Variants in RASEF observed in about 807,000 individuals in gnomAD.
RASEF encodes ras and EF-hand domain-containing protein.
RASEF carries 68 observed loss-of-function variants against 90.1 expected under a neutral mutation model. That is an observed-to-expected ratio of 0.75 (90% CI 0.62 to 0.92). The LOEUF (loss-of-function observed/expected upper bound fraction) is 0.92, where lower values mean the gene tolerates loss of function less well. RASEF is among the 40% of genes least tolerant of loss of function. RASEF has a pLI of 0.00. For synonymous variants in RASEF, 331 were observed against 345.2 expected, an observed-to-expected ratio of 0.96 and a Z score of 0.46; for missense variants, 949 against 937.2, an observed-to-expected ratio of 1.01 and a Z score of -0.16.
At chr9:83,200,265 G>T in the RASEF span, among the ~76,000 whole-genome samples, 2 of 151,824 alleles carry the variant, frequency 1.3e-5, no homozygotes, top group Non-Finnish European at 1.5e-5. Flanking sequence ...GTGTAGTGGC[G>T]GTTGCCTGTA....
At chr9:82,985,827 G>A (rs1362247551) in intron 16 of RASEF, among the ~76,000 whole-genome samples, 1 of 152,148 alleles carries the variant, frequency 6.6e-6, no homozygotes, top group African/African-American at 2.4e-5. Context: ...AAGGAATCAA[G>A]ACTGACTCCA....
At chr9:83,046,700 A>C (rs1177918555) in intron 1 of RASEF, among the ~76,000 whole-genome samples, 1 of 152,190 alleles carries the variant, frequency 6.6e-6, no homozygotes, top group African/African-American at 2.4e-5. Context: ...CTCAGAGCAG[A>C]CTGTAATTCT....
the RASEF span, among the ~76,000 whole-genome samples, chr9:83,139,716 CA>C: frequency 6.6e-6 from 1 of 151,788 alleles, no homozygotes; most frequent in Non-Finnish European, 1.5e-5. Flanking sequence ...CTGTGTTGTC[CA>C]AGGGTCAACT....
At chr9:83,119,008 C>CTT in the RASEF span, among the ~76,000 whole-genome samples, 32 of 141,142 alleles carry the variant, frequency 2.3e-4, no homozygotes, top group African/African-American at 7.6e-4. Flanking sequence ...TTTTTCTTTT[C>CTT]TTTTTTTTTT....
chr9:83,150,246 GTTCTGAAACCCATCAT>G, the RASEF span, among the ~76,000 whole-genome samples: 1 of 152,162 alleles, frequency 6.6e-6, no homozygotes, highest in African/African-American at 2.4e-5. Flanking sequence ...AAATCCAGAA[GTTCTGAAACCCATCAT>G]TTAGGGGTTT....
At chr9:83,048,849 C>G in intron 1 of RASEF, 1 of 811,158 alleles carries the variant, frequency 1.2e-6, no homozygotes, top group Non-Finnish European at 1.5e-6. Context: ...TCCTGTGAGG[C>G]TGTGTGCAGT....
At chr9:83,156,000 AC>A in the RASEF span, among the ~76,000 whole-genome samples, 2 of 152,116 alleles carry the variant, frequency 1.3e-5, no homozygotes, top group Non-Finnish European at 1.5e-5. Flanking sequence ...GGATTCCTTT[AC>A]CCTGACTGAA....
chr9:83,046,432 T>C (rs1265900061), intron 1 of RASEF, among the ~76,000 whole-genome samples: 1 of 152,212 alleles, frequency 6.6e-6, no homozygotes, highest in Non-Finnish European at 1.5e-5. Context: ...TAGGCTTTTC[T>C]GGAATGTATA....
the RASEF span, among the ~76,000 whole-genome samples, chr9:83,087,981 C>T: frequency 6.6e-6 from 1 of 151,954 alleles, no homozygotes; most frequent in South Asian, 2.1e-4. Flanking sequence ...TTCTGATTTC[C>T]ATTGTGATTT....
rs540057829 is a variant in RASEF, at chr9:83,062,043, G to A, written c.431+394C>T. On this transcript the variant is annotated intron_variant, in intron 1 of 16. Coordinates refer to ENST00000376447, the MANE Select transcript of RASEF (RefSeq NM_152573.4). ...AACTATTACAGAGGACGCCAAATTG[G>A]CAAACAGCCCGGGCCCCAGCCCTGG... is the stretch of plus-strand genomic sequence containing the variant. 4.4e-3 allele frequency among the ~76,000 whole-genome samples: 666 copies of A among 152,342 alleles called. 7 individuals are homozygous for A. The highest frequency in any genetic ancestry group is 0.015 in the African/African-American group (613 of 41,584).
the RASEF span, among the ~76,000 whole-genome samples, chr9:83,209,409 T>C: frequency 6.6e-6 from 1 of 152,242 alleles, no homozygotes; most frequent in Non-Finnish European, 1.5e-5. Context: ...AATGGATTCA[T>C]CTGCAAATTT....
chr9:83,176,086 C>T, the RASEF span, among the ~76,000 whole-genome samples: 1 of 152,158 alleles, frequency 6.6e-6, no homozygotes, highest in African/African-American at 2.4e-5. Flanking sequence ...TCATTCTACC[C>T]ATTTTTGAAA....
rs1357582574 is a variant in RASEF, at chr9:82,997,128, T to C, written c.1806-2A>G. 1 of 1,577,576 alleles carries C rather than the reference T, an allele frequency of 6.3e-7. No individual in the cohort carries two copies. The highest frequency in any genetic ancestry group is 1.1e-5 in the South Asian group (1 of 90,314). On this transcript the variant is annotated splice_acceptor_variant, in intron 13 of 16. Coordinates refer to ENST00000376447, the MANE Select transcript of RASEF (RefSeq NM_152573.4). LOFTEE classifies it high-confidence loss of function. ...TAAGACTTGGCAATACTTCTGAATCTGAGAAAGAGAAAACCACATCATCAG... is the reference window on the plus strand; with the variant it reads ...TAAGACTTGGCAATACTTCTGAATCCGAGAAAGAGAAAACCACATCATCAG...
chr9:83,128,729 G>A, the RASEF span, among the ~76,000 whole-genome samples: 75 of 152,130 alleles, frequency 4.9e-4, 1 homozygote, highest in Non-Finnish European at 9.3e-4. Flanking sequence ...GTGGGTATGA[G>A]CTATAACACA....
intron 1 of RASEF, among the ~76,000 whole-genome samples, chr9:83,033,090 T>C (rs1829675100): frequency 6.6e-6 from 1 of 152,236 alleles, no homozygotes; most frequent in South Asian, 2.1e-4. Flanking sequence ...TCAAACCGTA[T>C]GTTTTATGCA....
the RASEF span, among the ~76,000 whole-genome samples, chr9:83,073,478 C>T: frequency 1.3e-5 from 2 of 152,110 alleles, no homozygotes; most frequent in African/African-American, 4.8e-5. Flanking sequence ...ATGAATCCTC[C>T]TCTTAATGGT....
Position 83,007,458 on chromosome 9 carries a change from T to C in RASEF, c.1007A>G (p.Glu336Gly). 6.2e-7 allele frequency: 1 copy of C among 1,612,612 alleles called. No individual in the cohort carries two copies. Among genetic ancestry groups the C allele is most frequent in the South Asian group, 1.1e-5 (1 of 91,040 alleles). The change falls in exon 7 of 17, where the codon GAG becomes GGG. Residue 336 changes from glutamate (E) to glycine (G), a missense_variant. Coordinates refer to ENST00000376447, the MANE Select transcript of RASEF (RefSeq NM_152573.4). The part of the protein sequence containing the change: ...RAYTEDRNSL[E>G]RQIEILQTAN... The stretch of plus-strand genomic sequence containing the variant: ...TTACTGGAGTATTTCAATTTGCCTC[T>C]CAAGACTATTTCGATCTTCTGTGTA...
At chr9:83,043,513 T>C (rs73471411) in intron 1 of RASEF, among the ~76,000 whole-genome samples, 3,541 of 152,336 alleles carry the variant, frequency 0.023, 134 homozygotes, top group African/African-American at 0.08. Context: ...CTTAACGTTC[T>C]GTGTGCTTTT....
In RASEF at chr9:82,996,479, T is replaced by C. The variant is rs35601396; in HGVS notation, c.1920+533A>G. The stretch of plus-strand genomic sequence containing the variant: ...ACAGAAAGCACAGAAGCTATGCCCA[T>C]GTTTAAAATATCAACTGGTATTTCG... On this transcript the variant is annotated intron_variant, in intron 14 of 16. Transcript: ENST00000376447. 3.5e-3 allele frequency among the ~76,000 whole-genome samples: 536 copies of C among 152,320 alleles called. 4 individuals carry two copies. The highest frequency in any genetic ancestry group is 0.012 in the African/African-American group (509 of 41,576).
Sources: allele counts gnomAD v4.1 joint callset (sites outside exome capture counted in the v4.1 genomes callset), GRCh38; gene constraint gnomAD v4.1.1; transcripts MANE v1.5; gene names NCBI Gene and HGNC (gene_info 2026-07-23, HGNC 2026-07-21).